The following PAICS variants were observed in gnomAD, a reference collection of about 807,000 sequenced individuals.
PAICS encodes the protein bifunctional phosphoribosylaminoimidazole carboxylase/phosphoribosylaminoimidazole succinocarboxamide synthetase.
In PAICS, 33 loss-of-function variants were observed where a neutral mutation model predicts 53.7. The ratio of observed to expected loss-of-function variants is 0.61; its 90% CI spans 0.47 to 0.82. PAICS has a LOEUF of 0.82. Among genes scored for constraint, PAICS ranks in the 40% least tolerant of loss-of-function variants. PAICS has a pLI of 0.00. For synonymous variants in PAICS, 141 were observed against 167.2 expected, an observed-to-expected ratio of 0.84 and a Z score of 1.21; for missense variants, 394 against 494.1, an observed-to-expected ratio of 0.80 and a Z score of 1.92.
At chr4:56,448,872 TAGA>T (rs1718755189) in intron 5 of PAICS, 49 bp downstream of exon 5, 3 of 1,003,364 alleles carry the variant, frequency 3.0e-6, no homozygotes, top group Non-Finnish European at 4.6e-6. Flanking sequence ...CAAGCTGAGA[TAGA>T]GGAGAAAGGA....
chr4:56,436,484 TC>T (rs1717972016), intron 1 of PAICS, 156 bp downstream of exon 1: 2 of 727,320 alleles, frequency 2.7e-6, no homozygotes, highest in Non-Finnish European at 5.1e-6. Context: ...CTCCCGGGCC[TC>T]CCCGAACTTT....
chr4:56,418,062 C>T, the PAICS span, among the ~76,000 whole-genome samples: 1 of 152,124 alleles, frequency 6.6e-6, no homozygotes, highest in African/African-American at 2.4e-5. Context: ...TGGTCTTGAT[C>T]TCCTGACCTC....
chr4:56,449,817 A>AG (rs1718807880), intron 5 of PAICS, among the ~76,000 whole-genome samples: 2 of 151,432 alleles, frequency 1.3e-5, no homozygotes, highest in African/African-American at 4.9e-5. Flanking sequence ...AAAAAAAAAA[A>AG]AAAAAAAAAT....
chr4:56,424,565 ATTATG>A, the PAICS span, among the ~76,000 whole-genome samples: 1 of 152,356 alleles, frequency 6.6e-6, no homozygotes, highest in African/African-American at 2.4e-5. Context: ...GGCTATTCCT[ATTATG>A]TTAAGTAAAA....
In PAICS at chr4:56,437,819, CAAAAAAAAAAAA is replaced by C. The variant is rs869109998; in HGVS notation, c.16+1506_16+1517del. 1.0e-2 allele frequency among the ~76,000 whole-genome samples: 216 copies of C among 21,614 alleles called. 1 individual carries two copies. Among genetic ancestry groups the C allele is most frequent in the Non-Finnish European group, 0.017 (178 of 10,738 alleles). The allele number at this position is 21,614 out of a possible 152,430, so 14.2% of individuals were successfully genotyped here. On this transcript the variant is annotated intron_variant, in intron 1 of 8. Coordinates refer to ENST00000512576, the MANE Select transcript of PAICS (RefSeq NM_001079524.2). ...CTGGCGACAGAGAGAGACTCTGTCTCAAAAAAAAAAAAAAAAAAAAAAAAAAGCTGTAGACTC... is the reference window on the plus strand; with the variant it reads ...CTGGCGACAGAGAGAGACTCTGTCTCAAAAAAAAAAAAAAGCTGTAGACTC...
chr4:56,428,390 G>A, the PAICS span, among the ~76,000 whole-genome samples: 2 of 152,070 alleles, frequency 1.3e-5, no homozygotes, highest in Non-Finnish European at 2.9e-5. Context: ...GGGGCCACAA[G>A]AAACAAGAAA....
At chr4:56,426,273 G>A in the PAICS span, among the ~76,000 whole-genome samples, 1 of 151,954 alleles carries the variant, frequency 6.6e-6, no homozygotes, top group Non-Finnish European at 1.5e-5. Context: ...TGGTGGCCGC[G>A]CACCTGTGGT....
In PAICS at chr4:56,441,760, G is replaced by C. The variant is rs1343839010; in HGVS notation, c.114G>C (p.Gln38His). 6.2e-7 allele frequency: 1 copy of C among 1,605,068 alleles called. No homozygotes were observed. Among genetic ancestry groups the C allele is most frequent in the Admixed American group, 1.7e-5 (1 of 58,614 alleles). The stretch of plus-strand genomic sequence containing the variant: ...AAGTCCTCCTGCAGTCCAAGGACCA[G>C]ATTACAGCAGGAAATGCAGCTAGAA... Reference protein sequence around the residue: ...PGKVLLQSKDQITAGNAARKN... With the variant: ...PGKVLLQSKDHITAGNAARKN... Residue 38 changes from glutamine (Q) to histidine (H), a missense_variant, in exon 2 of 9, where the codon CAG (glutamine) becomes CAC (histidine). Around this residue, in one of 3 missense-constraint regions of PAICS, gnomAD observed 168 missense variants for 199.3 expected, o/e 0.84. Coordinates refer to ENST00000512576, the MANE Select transcript of PAICS (RefSeq NM_001079524.2).
At chr4:56,412,739 T>C in the PAICS span, among the ~76,000 whole-genome samples, 9 of 152,354 alleles carry the variant, frequency 5.9e-5, no homozygotes, top group African/African-American at 2.2e-4. Flanking sequence ...ATTTTCTCTC[T>C]GCTCTATTCT....
At position 56,436,288 on chromosome 4, in the gene PAICS, C is replaced by A; in HGVS notation, c.-25C>A. The A allele has an allele frequency of 2.5e-6, 4 of 1,597,424 alleles. No individual in the cohort carries two copies. Among genetic ancestry groups the A allele is most frequent in the South Asian group, 1.1e-5 (1 of 87,784 alleles). ...GTTCTGCCTCGCTTCCCGGCGCGGT[C>A]GCAGCCCTCAGCCCACTTAGGATAA... On this transcript the variant is annotated 5_prime_UTR_variant, in exon 1 of 9. Coordinates refer to ENST00000512576, the MANE Select transcript of PAICS (RefSeq NM_001079524.2).
chr4:56,426,883 T>A, the PAICS span, among the ~76,000 whole-genome samples: 1 of 152,208 alleles, frequency 6.6e-6, no homozygotes, highest in Non-Finnish European at 1.5e-5. Flanking sequence ...TCTGTAGCCA[T>A]TAAACAATAA....
chr4:56,459,424 T>C lies in PAICS; in HGVS notation c.1164T>C (p.Ala388=). The change falls in exon 9 of 9, where the codon GCT becomes GCC. Residue 388 remains alanine (A), a synonymous_variant. Transcript: ENST00000512576. ...LSPEGSAQFA[A]QIFGLSNHLV... The stretch of plus-strand genomic sequence containing the variant: ...CAGAAGGATCAGCTCAATTTGCTGC[T>C]CAGATATTTGGGTTAAGCAACCATT... 6.2e-7 allele frequency: 1 copy of C among 1,608,650 alleles called. No individual in the cohort carries two copies. Among genetic ancestry groups the C allele is most frequent in the Non-Finnish European group, 8.5e-7 (1 of 1,175,772 alleles).
the PAICS span, among the ~76,000 whole-genome samples, chr4:56,415,842 C>T: frequency 6.6e-6 from 1 of 151,908 alleles, no homozygotes; most frequent in Admixed American, 6.6e-5. Context: ...TTTGGGAGGC[C>T]GAGGATCACC....
chr4:56,436,634 C>G (rs928874092), intron 1 of PAICS: 23 of 644,644 alleles, frequency 3.6e-5, no homozygotes, highest in Non-Finnish European at 5.7e-5. Context: ...TCGTCAAAAC[C>G]TGAGTCTTGC....
intron 2 of PAICS, among the ~76,000 whole-genome samples, chr4:56,445,355 T>TGG (rs1171020043): frequency 6.6e-6 from 1 of 152,096 alleles, no homozygotes; most frequent in African/African-American, 2.4e-5. Flanking sequence ...CCCAGCACCT[T>TGG]GGGAGACTAA....
chr4:56,459,145 TATAAA>T (rs1176952499), intron 8 of PAICS, among the ~76,000 whole-genome samples: 2 of 152,232 alleles, frequency 1.3e-5, no homozygotes, highest in African/African-American at 4.8e-5. Flanking sequence ...AGATGATATA[TATAAA>T]ATATCTCTTC....
the PAICS span, chr4:56,420,704 G>A: frequency 6.6e-6 from 1 of 152,070 alleles, no homozygotes; most frequent in Non-Finnish European, 1.5e-5. Flanking sequence ...GTAAAATTGA[G>A]TAAAATAGAA....
intron 7 of PAICS, among the ~76,000 whole-genome samples, chr4:56,453,148 A>T (rs1308852225): frequency 6.6e-6 from 1 of 152,214 alleles, no homozygotes; most frequent in Non-Finnish European, 1.5e-5. Context: ...ACACTATATT[A>T]ATTAAACTTT....
At chr4:56,431,998 C>A (rs1344169159), upstream of PAICS, among the ~76,000 whole-genome samples, 1 of 152,192 alleles carries the variant, frequency 6.6e-6, no homozygotes, top group African/African-American at 2.4e-5. Context: ...ACAGCCAGAA[C>A]TACTAAAAAC....
Sources: allele counts gnomAD v4.1 joint callset (sites outside exome capture counted in the v4.1 genomes callset), GRCh38; gene constraint gnomAD v4.1.1; regional missense constraint gnomAD v4.1.1; transcripts MANE v1.5; gene names NCBI Gene and HGNC (gene_info 2026-07-23, HGNC 2026-07-21).